The following CUEDC1 variants were observed in gnomAD, a reference collection of about 807,000 sequenced individuals.
The protein encoded by CUEDC1 is CUE domain-containing protein 1.
A neutral mutation model predicts 43.7 loss-of-function variants in CUEDC1; 30 were observed. The ratio of observed to expected loss-of-function variants is 0.69; its 90% CI spans 0.51 to 0.93. CUEDC1 has a LOEUF of 0.93. Ranked by LOEUF, CUEDC1 falls within the 40% of genes least tolerant of loss-of-function variation. The probability of loss-of-function intolerance (pLI) is 0.00; values close to 1 mark genes in which losing one functional copy is unlikely to be tolerated. For synonymous variants in CUEDC1, 223 were observed against 223.6 expected, an observed-to-expected ratio of 1.00 and a Z score of 0.02; for missense variants, 486 against 549.0, an observed-to-expected ratio of 0.89 and a Z score of 1.15.
chr17:57,922,042 G>A (rs916093600), intron 1 of CUEDC1, among the ~76,000 whole-genome samples: 2 of 152,166 alleles, frequency 1.3e-5, no homozygotes, highest in African/African-American at 4.8e-5. Flanking sequence ...GAACCCAGGA[G>A]GTGGAGGTTG....
intron 1 of CUEDC1, among the ~76,000 whole-genome samples, chr17:57,918,440 G>A (rs1231550300): frequency 1.3e-5 from 2 of 152,184 alleles, no homozygotes; most frequent in African/African-American, 4.8e-5. Context: ...AGCCACCAAA[G>A]AGACAACGGA....
At chr17:57,947,842 C>T (rs184247205) in intron 1 of CUEDC1, among the ~76,000 whole-genome samples, 2 of 152,166 alleles carry the variant, frequency 1.3e-5, no homozygotes, top group African/African-American at 4.8e-5. Flanking sequence ...CACTTTTGTG[C>T]TTGGAACAAT....
rs915318786 is a variant in CUEDC1, at chr17:57,869,271, G to C, written c.869-78C>G. ...GTCCCAGCCCTACCCACCCATCTGAGGACAAATGCAAAGAAAGAGCAGGCT... is the reference window on the plus strand; with the variant it reads ...GTCCCAGCCCTACCCACCCATCTGACGACAAATGCAAAGAAAGAGCAGGCT... On this transcript the variant is annotated intron_variant, in intron 6 of 10. Transcript: ENST00000577830. 7.9e-6 allele frequency: 10 copies of C among 1,269,584 alleles called. No individual in the cohort carries two copies. In the African/African-American group the frequency reaches 1.5e-4, roughly 19 times the overall value. The allele number at this position is 1,269,584 out of a possible 1,614,324, so 78.6% of individuals were successfully genotyped here.
chr17:57,944,864 C>A (rs994366075), intron 1 of CUEDC1, among the ~76,000 whole-genome samples: 4 of 152,198 alleles, frequency 2.6e-5, no homozygotes, highest in Non-Finnish European at 4.4e-5. Flanking sequence ...TCAAGATTCA[C>A]CAAACAAAAT....
intron 1 of CUEDC1, chr17:57,922,590 G>C (rs1444714228): frequency 6.6e-6 from 1 of 152,154 alleles, no homozygotes; most frequent in African/African-American, 2.4e-5. Flanking sequence ...AAGCCTCGGG[G>C]CAGACAATTC....
At chr17:57,931,631 G>A (rs1440114635) in intron 1 of CUEDC1, among the ~76,000 whole-genome samples, 7 of 152,110 alleles carry the variant, frequency 4.6e-5, no homozygotes, top group African/African-American at 1.7e-4. Context: ...GGTGAGACTG[G>A]GTATTCAAGT....
At chr17:57,919,906 T>C (rs1939247037) in intron 1 of CUEDC1, among the ~76,000 whole-genome samples, 1 of 152,220 alleles carries the variant, frequency 6.6e-6, no homozygotes, top group African/African-American at 2.4e-5. Flanking sequence ...GCGTTTTCTG[T>C]TTGGCTTGGA....
At chr17:57,935,388 C>CAT (rs2074850422) in intron 1 of CUEDC1, among the ~76,000 whole-genome samples, 1 of 143,316 alleles carries the variant, frequency 7.0e-6, no homozygotes, top group Admixed American at 6.9e-5. Flanking sequence ...GACACACACA[C>CAT]ACACACACAC....
chr17:57,931,829 C>A (rs113397933), intron 1 of CUEDC1, among the ~76,000 whole-genome samples: 2 of 152,226 alleles, frequency 1.3e-5, no homozygotes, highest in Admixed American at 1.3e-4. Context: ...AGAGGACTCC[C>A]GTGAAACCAC....
At chr17:57,870,169 G>A (rs1044777171) in intron 6 of CUEDC1, among the ~76,000 whole-genome samples, 1 of 152,216 alleles carries the variant, frequency 6.6e-6, no homozygotes, top group African/African-American at 2.4e-5. Flanking sequence ...CTCCGAGGTG[G>A]GCAGCTTGTG....
chr17:57,865,164 G>T (rs559350685), intron 10 of CUEDC1, among the ~76,000 whole-genome samples: 1 of 152,348 alleles, frequency 6.6e-6, no homozygotes, highest in African/African-American at 2.4e-5. Flanking sequence ...AAGGAGAAGG[G>T]CGTGGAGATA....
At chr17:57,873,480 T>C (rs2074064722) in intron 4 of CUEDC1, 111 bp downstream of exon 4, 1 of 1,277,874 alleles carries the variant, frequency 7.8e-7, no homozygotes, top group East Asian at 2.7e-5. Flanking sequence ...CAGAAATAGC[T>C]CAGCCTGGGT....
intron 1 of CUEDC1, among the ~76,000 whole-genome samples, chr17:57,948,272 A>G (rs372156492): frequency 6.6e-6 from 1 of 152,066 alleles, no homozygotes; most frequent in Non-Finnish European, 1.5e-5. Context: ...TGCTTTCTGT[A>G]TTCCAATACC....
Position 57,954,992 on chromosome 17 carries a change from G to T in CUEDC1, c.-316+233C>A, listed in dbSNP as rs1455945648. On this transcript the variant is annotated intron_variant, in intron 1 of 10. Transcript: ENST00000577830. The surrounding 1 kb of genome is among the most constrained non-coding windows in gnomAD (Gnocchi z 4.3). ...GCCCGGGGCCCGGGATGAGGTGGGGGCTCGGGAAGGAAGGGCGGGCGGGGA... is the reference window on the plus strand; with the variant it reads ...GCCCGGGGCCCGGGATGAGGTGGGGTCTCGGGAAGGAAGGGCGGGCGGGGA... 6.6e-6 allele frequency among the ~76,000 whole-genome samples: 1 copy of T among 151,576 alleles called. No homozygotes were observed. Among genetic ancestry groups the T allele is most frequent in the Non-Finnish European group, 1.5e-5 (1 of 67,772 alleles).
At chr17:57,915,322 T>A (rs2143080634) in intron 1 of CUEDC1, among the ~76,000 whole-genome samples, 1 of 151,870 alleles carries the variant, frequency 6.6e-6, no homozygotes, top group African/African-American at 2.4e-5. Flanking sequence ...ATTTGACATT[T>A]ACCACCACAG....
chr17:57,942,945 A>C (rs927054701), intron 1 of CUEDC1, among the ~76,000 whole-genome samples: 5 of 151,924 alleles, frequency 3.3e-5, no homozygotes, highest in Non-Finnish European at 5.9e-5. Flanking sequence ...GGAGAATGGC[A>C]TGAACCCAGG....
chr17:57,861,965 G>C lies in CUEDC1; in HGVS notation c.*1324C>G, dbSNP rs971061021. The C allele has an allele frequency of 9.2e-5, 14 of 152,218 alleles. No homozygotes were observed. Among genetic ancestry groups the C allele is most frequent in the African/African-American group, 3.4e-4 (14 of 41,464 alleles). 9.4% of individuals were successfully genotyped at this position (152,218 alleles called of 1,614,324 possible). Reference sequence around the variant, plus strand: ...GCGCGTCCCGGCCCTCCCCAAGCTCGGCGTTGCGAGTCCGGGCAGGGTGGG... The same window carrying C: ...GCGCGTCCCGGCCCTCCCCAAGCTCCGCGTTGCGAGTCCGGGCAGGGTGGG... On this transcript the variant is annotated 3_prime_UTR_variant, in exon 11 of 11. Transcript: ENST00000577830.
chr17:57,877,522 G>A (rs1181160580), intron 3 of CUEDC1, among the ~76,000 whole-genome samples: 6 of 151,214 alleles, frequency 4.0e-5, no homozygotes, highest in African/African-American at 1.2e-4. Flanking sequence ...CTGAAAATAG[G>A]TGGAACCACT....
At chr17:57,900,746 A>T (rs2074462689) in intron 1 of CUEDC1, among the ~76,000 whole-genome samples, 1 of 152,238 alleles carries the variant, frequency 6.6e-6, no homozygotes, top group Non-Finnish European at 1.5e-5. Flanking sequence ...GTCTCCTGAC[A>T]TACCACTTAC....
Sources: allele counts gnomAD v4.1 joint callset (sites outside exome capture counted in the v4.1 genomes callset), GRCh38; gene constraint gnomAD v4.1.1; non-coding constraint Gnocchi (gnomAD v3.1); transcripts MANE v1.5; gene names NCBI Gene and HGNC (gene_info 2026-07-23, HGNC 2026-07-21).